The following ADAMTS9 variants were observed in gnomAD, a reference collection of about 807,000 sequenced individuals.
ADAMTS9 encodes A disintegrin and metalloproteinase with thrombospondin motifs 9.
ADAMTS9 carries 107 observed loss-of-function variants against 257.1 expected under a neutral mutation model. That is an observed-to-expected ratio of 0.42 (90% CI 0.36 to 0.49). ADAMTS9 has a LOEUF of 0.49. Among genes scored for constraint, ADAMTS9 ranks in the 20% least tolerant of loss-of-function variants. The pLI, the probability that ADAMTS9 is intolerant of heterozygous loss-of-function variation, is 0.03. For missense variants in ADAMTS9, 2,353 were observed against 2,469.1 expected, an observed-to-expected ratio of 0.95 and a Z score of 1.00; for synonymous variants, 982 against 880.9, an observed-to-expected ratio of 1.11 and a Z score of -2.03.
intron 3 of ADAMTS9, among the ~76,000 whole-genome samples, chr3:64,666,539 A>G (rs1471420884): frequency 6.6e-6 from 1 of 152,206 alleles, no homozygotes; most frequent in Non-Finnish European, 1.5e-5. Flanking sequence ...TTCTGGAGCC[A>G]GGCCAACCCT....
intron 22 of ADAMTS9, among the ~76,000 whole-genome samples, chr3:64,612,857 G>T (rs1178364172): frequency 6.6e-6 from 1 of 152,158 alleles, no homozygotes; most frequent in Non-Finnish European, 1.5e-5. Flanking sequence ...AAGCATGAGG[G>T]TTTTGCAACC....
At chr3:64,601,883 C>T (rs2084468271) in intron 26 of ADAMTS9, 61 bp downstream of exon 26, 9 of 1,526,188 alleles carry the variant, frequency 5.9e-6, no homozygotes, top group Non-Finnish European at 7.9e-6. Context: ...TTTCTAGTCT[C>T]TTTTACCCTA....
chr3:64,657,199 C>G (rs570637324), intron 4 of ADAMTS9, among the ~76,000 whole-genome samples: 1 of 152,126 alleles, frequency 6.6e-6, no homozygotes, highest in African/African-American at 2.4e-5. Flanking sequence ...GTGGCTAGCT[C>G]AAATTGAGGT....
intron 32 of ADAMTS9, among the ~76,000 whole-genome samples, 152 bp downstream of exon 32, chr3:64,546,605 TC>T (rs1163164501): frequency 3.3e-5 from 5 of 152,188 alleles, no homozygotes; most frequent in Non-Finnish European, 5.9e-5. Flanking sequence ...CAGAAAGAAG[TC>T]CCTTTGATCC....
intron 31 of ADAMTS9, among the ~76,000 whole-genome samples, chr3:64,549,438 G>C (rs1369483874): frequency 6.6e-6 from 1 of 152,146 alleles, no homozygotes; most frequent in African/African-American, 2.4e-5. Context: ...ATCTGGATGG[G>C]TTGGAACCTA....
chr3:64,588,388 T>C (rs1194452022), intron 28 of ADAMTS9: 1 of 152,036 alleles, frequency 6.6e-6, no homozygotes. Context: ...TGGCCTACAA[T>C]AGGCACTTAG....
intron 28 of ADAMTS9, chr3:64,587,901 A>G (rs2084189452): frequency 6.6e-6 from 1 of 152,130 alleles, no homozygotes; most frequent in Non-Finnish European, 1.5e-5. Flanking sequence ...GGGAAAAAGT[A>G]CCCTCAGACC....
At chr3:64,571,352 G>A (rs1365649207) in intron 28 of ADAMTS9, among the ~76,000 whole-genome samples, 24 of 152,180 alleles carry the variant, frequency 1.6e-4, no homozygotes, top group Non-Finnish European at 3.4e-4. Context: ...TTTATATAGT[G>A]CTTCCCACAT....
intron 37 of ADAMTS9, among the ~76,000 whole-genome samples, chr3:64,535,832 C>T (rs929304437): frequency 1.3e-5 from 2 of 151,952 alleles, no homozygotes; most frequent in Admixed American, 6.6e-5. Context: ...CATGACCCAC[C>T]GCACCTGCCA....
At chr3:64,681,111 T>C (rs549696562) in intron 3 of ADAMTS9, 90 bp downstream of exon 3, 15 of 1,440,190 alleles carry the variant, frequency 1.0e-5, no homozygotes, top group Non-Finnish European at 1.4e-5. Flanking sequence ...TGGTTGCACT[T>C]TGTAGACTGA....
At chr3:64,547,436 T>C (rs1040819010) in intron 31 of ADAMTS9, among the ~76,000 whole-genome samples, 3 of 150,772 alleles carry the variant, frequency 2.0e-5, no homozygotes, top group Non-Finnish European at 4.4e-5. Context: ...CTGTTTTCCT[T>C]CCCTCCGTGG....
At chr3:64,624,277 A>G (rs1700176003) in intron 16 of ADAMTS9, among the ~76,000 whole-genome samples, 1 of 151,972 alleles carries the variant, frequency 6.6e-6, no homozygotes, top group African/African-American at 2.4e-5. Flanking sequence ...AGAGAGACAA[A>G]GAAAGAAAAG....
At chr3:64,667,659 C>T (rs1223438558) in intron 3 of ADAMTS9, among the ~76,000 whole-genome samples, 1 of 152,152 alleles carries the variant, frequency 6.6e-6, no homozygotes, top group Non-Finnish European at 1.5e-5. Flanking sequence ...CCCAAAAGCC[C>T]TTCTGTGTCC....
rs772592994 is a variant in ADAMTS9, at chr3:64,687,634, T to G, written c.24A>C (p.Thr8=). MQFVSWA[T]LLTLLVRDLA... ...GGTCCCGCACCAGGAGCGTTAGCAGTGTGGCCCAGGATACAAACTGCATGG... is the reference window on the plus strand; with the variant it reads ...GGTCCCGCACCAGGAGCGTTAGCAGGGTGGCCCAGGATACAAACTGCATGG... Residue 8 remains threonine, a synonymous_variant, in exon 1 of 40, where the codon ACA becomes ACC. Transcript: ENST00000498707. The surrounding 1 kb of genome is among the most constrained non-coding windows in gnomAD (Gnocchi z 4.4). 6.3e-7 allele frequency: 1 copy of G among 1,578,772 alleles called. No individual in the cohort carries two copies. Among genetic ancestry groups the G allele is most frequent in the Non-Finnish European group, 8.6e-7 (1 of 1,163,948 alleles).
intron 9 of ADAMTS9, 59 bp from the exon 10 acceptor site, chr3:64,649,837 C>T (rs1377667935): frequency 1.9e-6 from 3 of 1,557,692 alleles, no homozygotes; most frequent in Non-Finnish European, 8.7e-7. Context: ...AGGTCTCCCC[C>T]AGGTAACAGT....
intron 30 of ADAMTS9, among the ~76,000 whole-genome samples, chr3:64,557,600 C>T (rs966013808): frequency 3.3e-5 from 5 of 152,102 alleles, no homozygotes; most frequent in East Asian, 3.9e-4. Flanking sequence ...AAGCCTCCAT[C>T]GGAAGGCCAC....
chr3:64,520,241 G>C (rs922930629), intron 39 of ADAMTS9, among the ~76,000 whole-genome samples: 18 of 152,002 alleles, frequency 1.2e-4, no homozygotes, highest in Non-Finnish European at 8.8e-5. Context: ...TAATCAAGCA[G>C]GTAAAAGAGC....
intron 39 of ADAMTS9, 101 bp from the exon 40 acceptor site, chr3:64,517,222 A>G (rs942261821): frequency 6.6e-6 from 1 of 152,334 alleles, no homozygotes; most frequent in Non-Finnish European, 1.5e-5. Flanking sequence ...TAAAATTAAC[A>G]CTTATTATTT....
Position 64,522,229 on chromosome 3 carries a change from C to T in ADAMTS9, c.5750G>A (p.Gly1917Asp). 1 of 1,614,070 alleles carries T rather than the reference C, an allele frequency of 6.2e-7. No homozygotes were observed. The highest frequency in any genetic ancestry group is 8.5e-7 in the Non-Finnish European group (1 of 1,179,960). ...GGATGGAGTGCATTTTCCACAGTAA[C>T]CACCGCATTTCCCTACGACTCGGGT... The part of the protein sequence containing the change: ...DGTRVVGKCG[G>D]YCGKCTPSSG... Residue 1917 changes from glycine (G) to aspartate (D), a missense_variant, in exon 39 of 40, where the codon GGT (glycine) becomes GAT (aspartate). Physicochemically the swap from Gly to Asp is moderately conservative, Grantham distance 94. Coordinates refer to ENST00000498707, the MANE Select transcript of ADAMTS9 (RefSeq NM_182920.2).
Sources: gnomAD v4.1 joint callset for allele counts (sites outside exome capture counted in the v4.1 genomes callset) on GRCh38, gnomAD v4.1.1 for gene constraint, Gnocchi (gnomAD v3.1) non-coding constraint, MANE v1.5 for transcripts, NCBI Gene and HGNC (gene_info 2026-07-23, HGNC 2026-07-21) for gene names.